DLGAP1: variants seen among roughly 807,000 people sequenced by gnomAD.
DLGAP1 encodes disks large-associated protein 1.
DLGAP1 carries 11 observed loss-of-function variants against 90.8 expected under a neutral mutation model. That is an observed-to-expected ratio of 0.12 (90% CI 0.08 to 0.20). The LOEUF (loss-of-function observed/expected upper bound fraction) is 0.20. Among genes scored for constraint, DLGAP1 ranks in the 10% least tolerant of loss-of-function variants. The pLI, the probability that DLGAP1 is intolerant of heterozygous loss-of-function variation, is 1.00. For missense variants in DLGAP1, 1,050 were observed against 1,333.8 expected (o/e 0.79, Z 3.31); for synonymous variants, 558 against 540.7 (o/e 1.03, Z -0.44).
chr18:4,198,259 A>T (rs1188011281), intron 1 of DLGAP1, among the ~76,000 whole-genome samples: 1 of 152,034 alleles, frequency 6.6e-6, no homozygotes, highest in Non-Finnish European at 1.5e-5. Context: ...AAATAATAAC[A>T]ATAATAAAAA....
At chr18:4,087,637 A>G (rs1241130900) in intron 2 of DLGAP1, among the ~76,000 whole-genome samples, 1 of 152,146 alleles carries the variant, frequency 6.6e-6, no homozygotes, top group Non-Finnish European at 1.5e-5. Context: ...ATATTTCTGC[A>G]TGTGTGTCTT....
chr18:3,752,497 TCCTCCCTCCCTCTCTC>T (rs1439530894), intron 5 of DLGAP1, among the ~76,000 whole-genome samples: 1 of 150,566 alleles, frequency 6.6e-6, no homozygotes, highest in East Asian at 2.0e-4. Flanking sequence ...ATATTTTCTT[TCCTCCCTCCCTCTCTC>T]CCTCCCTCCC....
At chr18:3,871,391 AG>A (rs58110549) in intron 4 of DLGAP1, among the ~76,000 whole-genome samples, 6,565 of 152,228 alleles carry the variant, frequency 0.043, 452 homozygotes, top group African/African-American at 0.14. Context: ...TGTCATTTTA[AG>A]GGGAAAAAAA....
At chr18:3,805,476 C>G (rs1039989633) in intron 5 of DLGAP1, among the ~76,000 whole-genome samples, 1 of 152,052 alleles carries the variant, frequency 6.6e-6, no homozygotes, top group Non-Finnish European at 1.5e-5. Flanking sequence ...TGCAATCACT[C>G]AAGTGAAAAA....
At chr18:4,245,333 A>G (rs1032663499) in intron 1 of DLGAP1, among the ~76,000 whole-genome samples, 2 of 152,198 alleles carry the variant, frequency 1.3e-5, no homozygotes, top group African/African-American at 2.4e-5. Context: ...ATATATTGTG[A>G]TAAGTTACAA....
chr18:4,416,928 A>G (rs113118889), intron 1 of DLGAP1, among the ~76,000 whole-genome samples: 5 of 152,262 alleles, frequency 3.3e-5, no homozygotes, highest in African/African-American at 1.2e-4. Flanking sequence ...ACTAAACTGA[A>G]CTTTCTGTCA....
At chr18:3,563,429 C>T (rs1161390209) in intron 9 of DLGAP1, among the ~76,000 whole-genome samples, 1 of 151,370 alleles carries the variant, frequency 6.6e-6, no homozygotes, top group Non-Finnish European at 1.5e-5. Flanking sequence ...TTGTAGCTGT[C>T]TCACTGTTCT....
At chr18:4,231,867 C>T (rs941820530) in intron 1 of DLGAP1, among the ~76,000 whole-genome samples, 1 of 152,104 alleles carries the variant, frequency 6.6e-6, no homozygotes, top group Admixed American at 6.6e-5. Flanking sequence ...AAGATGCACA[C>T]ATTAGTAGGG....
intron 5 of DLGAP1, among the ~76,000 whole-genome samples, chr18:3,765,351 CG>C (rs1016863165): frequency 6.7e-6 from 1 of 150,360 alleles, no homozygotes; most frequent in East Asian, 2.0e-4. Flanking sequence ...AGGATGGTCT[CG>C]ATCTCCTGAC....
intron 9 of DLGAP1, among the ~76,000 whole-genome samples, chr18:3,553,682 C>T (rs866351425): frequency 1.1e-4 from 16 of 151,944 alleles, no homozygotes; most frequent in South Asian, 6.2e-4. Context: ...TACAGATGTG[C>T]GCCATCATGC....
At chr18:4,315,315 T>C (rs1305412800) in intron 1 of DLGAP1, among the ~76,000 whole-genome samples, 1 of 152,218 alleles carries the variant, frequency 6.6e-6, no homozygotes, top group African/African-American at 2.4e-5. Context: ...TCTATACACT[T>C]TTGACTGATA....
chr18:3,787,324 T>C (rs928848245), intron 5 of DLGAP1, among the ~76,000 whole-genome samples: 5 of 151,602 alleles, frequency 3.3e-5, no homozygotes, highest in Admixed American at 6.6e-5. Context: ...TCTACTAAAA[T>C]ACAAAACTTA....
At chr18:4,086,643 C>T (rs9951217) in intron 2 of DLGAP1, among the ~76,000 whole-genome samples, 4,444 of 151,950 alleles carry the variant, frequency 0.029, 145 homozygotes, top group East Asian at 0.13. Flanking sequence ...TTAATTCCAT[C>T]GTGGTCTGAG....
intron 9 of DLGAP1, among the ~76,000 whole-genome samples, chr18:3,561,182 G>A (rs954746804): frequency 6.7e-6 from 1 of 149,068 alleles, no homozygotes; most frequent in Admixed American, 6.7e-5. Flanking sequence ...TTGGGAGGCT[G>A]AGGTGGGCGG....
chr18:3,935,342 G>A (rs1003070194), intron 3 of DLGAP1, among the ~76,000 whole-genome samples: 1 of 152,220 alleles, frequency 6.6e-6, no homozygotes, highest in African/African-American at 2.4e-5. Context: ...TTAAGTGTTG[G>A]AATTTAATTC....
intron 1 of DLGAP1, among the ~76,000 whole-genome samples, chr18:4,357,157 C>CTTTT (rs554248097): frequency 2.1e-4 from 23 of 108,710 alleles, no homozygotes; most frequent in South Asian, 6.6e-4. Flanking sequence ...TGTTTTTTTC[C>CTTTT]TTTTTTTTTT....
intron 4 of DLGAP1, among the ~76,000 whole-genome samples, chr18:3,861,810 A>C (rs1362920524): frequency 6.6e-6 from 1 of 152,232 alleles, no homozygotes; most frequent in Non-Finnish European, 1.5e-5. Flanking sequence ...GACAGTCCAC[A>C]TTAGGGAATC....
At chr18:4,013,013 A>G (rs944449808) in intron 2 of DLGAP1, among the ~76,000 whole-genome samples, 2 of 152,110 alleles carry the variant, frequency 1.3e-5, no homozygotes, top group African/African-American at 2.4e-5. Context: ...CCCTATTTAT[A>G]TTCTTCTATT....
chr18:4,092,699 T>G (rs1445892208), intron 2 of DLGAP1, among the ~76,000 whole-genome samples: 2 of 152,084 alleles, frequency 1.3e-5, no homozygotes, highest in African/African-American at 4.8e-5. Flanking sequence ...AGATGGTGCT[T>G]AATATTTTTC....
Sources: gnomAD v4.1 joint callset for allele counts (sites outside exome capture counted in the v4.1 genomes callset) on GRCh38, gnomAD v4.1.1 for gene constraint, MANE v1.5 for transcripts, NCBI Gene and HGNC (gene_info 2026-07-23, HGNC 2026-07-21) for gene names.